KCNN2: variants seen among roughly 807,000 people sequenced by gnomAD.
The protein encoded by KCNN2 is potassium calcium-activated channel subfamily N member 2, also known as small conductance calcium-activated potassium channel protein 2.
In KCNN2, 24 loss-of-function variants were observed where a neutral mutation model predicts 55.5. The observed-to-expected ratio is 0.43, with a 90% CI of 0.31 to 0.61. The LOEUF (loss-of-function observed/expected upper bound fraction) is 0.61. Ranked by LOEUF, KCNN2 falls within the 20% of genes least tolerant of loss-of-function variation. The pLI is 0.08. For synonymous variants in KCNN2, 431 were observed against 336.1 expected (o/e 1.28, Z -3.09); for missense variants, 754 against 853.6 (o/e 0.88, Z 1.45).
At chr5:114,264,402 A>T (rs376369491) in intron 2 of KCNN2, among the ~76,000 whole-genome samples, 2 of 152,320 alleles carry the variant, frequency 1.3e-5, no homozygotes, top group East Asian at 3.9e-4. Context: ...GAAATCAACT[A>T]GTCTCTTTAT....
intron 1 of KCNN2, among the ~76,000 whole-genome samples, chr5:114,147,625 T>C (rs1035453868): frequency 1.4e-4 from 22 of 152,322 alleles, no homozygotes; most frequent in Non-Finnish European, 2.5e-4. Context: ...AGACAACTCT[T>C]TTTCTGCTGG....
chr5:114,290,071 CTCT>C (rs1002066270), intron 2 of KCNN2, among the ~76,000 whole-genome samples: 95 of 152,228 alleles, frequency 6.2e-4, no homozygotes, highest in African/African-American at 2.0e-3. Context: ...CTGTAGTCTT[CTCT>C]TCTTGTGGTG....
At chr5:114,109,259 A>G (rs1029776454) in intron 1 of KCNN2, among the ~76,000 whole-genome samples, 1 of 152,076 alleles carries the variant, frequency 6.6e-6, no homozygotes, top group Non-Finnish European at 1.5e-5. Context: ...AGCTTTCTCT[A>G]TAGGGCAGCT....
At position 114,400,193 on chromosome 5, in the gene KCNN2, T is replaced by C. The variant is rs78927150; in HGVS notation, c.1219-4245T>C. Among the ~76,000 whole-genome samples, 983 of 152,284 alleles carry C rather than the reference T, an allele frequency of 6.5e-3. 10 individuals are homozygous for C. Among genetic ancestry groups the C allele is most frequent in the African/African-American group, 0.022 (933 of 41,568 alleles). On this transcript the variant is annotated intron_variant, in intron 2 of 7. Coordinates refer to ENST00000673685, the MANE Select transcript of KCNN2 (RefSeq NM_021614.4). ...TTTGCTCTTGTTTCTGTAGTTTCCC[T>C]AGGTTGATGTTAGGTTTTAAATTTG...
intron 1 of KCNN2, among the ~76,000 whole-genome samples, chr5:114,161,944 C>G (rs1007843341): frequency 2.0e-5 from 3 of 152,170 alleles, no homozygotes. Context: ...GCCATTGGTT[C>G]AAGCTTCCTC....
At chr5:114,404,949 C>G (rs1758886125) in intron 3 of KCNN2, 93 bp downstream of exon 3, 9 of 1,122,050 alleles carry the variant, frequency 8.0e-6, no homozygotes, top group South Asian at 3.3e-5. Flanking sequence ...CGTGTAGTGT[C>G]TCACTCTTAA....
chr5:114,374,720 C>T (rs957931325), intron 2 of KCNN2, among the ~76,000 whole-genome samples: 2 of 152,084 alleles, frequency 1.3e-5, no homozygotes, highest in African/African-American at 2.4e-5. Flanking sequence ...TTGGACTTTG[C>T]TTTTCGAATT....
intron 1 of KCNN2, among the ~76,000 whole-genome samples, chr5:114,127,076 C>T (rs760036363): frequency 4.6e-5 from 7 of 152,276 alleles, no homozygotes; most frequent in Admixed American, 2.6e-4. Context: ...GCCTCCCTTC[C>T]GGTTGCTTTC....
chr5:114,058,585 G>C (rs376503285), intron 1 of KCNN2, among the ~76,000 whole-genome samples: 1 of 152,190 alleles, frequency 6.6e-6, no homozygotes, highest in East Asian at 1.9e-4. Context: ...GTGGAAACAG[G>C]AAAGAAAGGA....
chr5:114,156,844 T>C (rs559120960), intron 1 of KCNN2, among the ~76,000 whole-genome samples: 11 of 152,130 alleles, frequency 7.2e-5, no homozygotes, highest in African/African-American at 2.7e-4. Context: ...ATGCAGTCCA[T>C]GTTAGTTCCT....
chr5:114,264,469 A>T (rs1755169237), intron 2 of KCNN2, among the ~76,000 whole-genome samples: 1 of 152,196 alleles, frequency 6.6e-6, no homozygotes, highest in South Asian at 2.1e-4. Context: ...TTGTCATAAA[A>T]CTACAAAGTA....
At chr5:114,472,957 G>C in intron 4 of KCNN2, 97 bp from the exon 5 acceptor site, 1 of 642,826 alleles carries the variant, frequency 1.6e-6, no homozygotes. Context: ...TTTTAATCCT[G>C]AGAAACTTTT....
At chr5:114,333,076 G>C (rs1756854339) in intron 2 of KCNN2, among the ~76,000 whole-genome samples, 2 of 152,168 alleles carry the variant, frequency 1.3e-5, no homozygotes, top group African/African-American at 2.4e-5. Flanking sequence ...GCAACATACA[G>C]TGATTCACAC....
intron 1 of KCNN2, among the ~76,000 whole-genome samples, chr5:114,204,243 A>G (rs1753727030): frequency 6.6e-6 from 1 of 152,198 alleles, no homozygotes; most frequent in African/African-American, 2.4e-5. Context: ...AGGTTTTAAA[A>G]TTGCACTGTT....
rs536849367 is a variant in KCNN2 at position 114,373,640 on chromosome 5, T to TTTTATATATATATA, written c.1218+9640_1218+9641insTTATATATATATAT. On this transcript the variant is annotated intron_variant, in intron 2 of 7. Transcript: ENST00000673685. ...CTCTCATGGTGTTGTTATGAAGATT[T>TTTTATATATATATA]TATATATATATATATATAAAATTAC... Among the ~76,000 whole-genome samples, 14 of 56,706 alleles carry TTTTATATATATATA rather than the reference T, an allele frequency of 2.5e-4. 2 individuals carry two copies. Among genetic ancestry groups the TTTTATATATATATA allele is most frequent in the African/African-American group, 7.4e-4 (14 of 18,988 alleles). 37.2% of individuals were successfully genotyped at this position (56,706 alleles called of 152,430 possible).
At chr5:114,186,149 A>C (rs1753327134) in intron 1 of KCNN2, among the ~76,000 whole-genome samples, 1 of 152,166 alleles carries the variant, frequency 6.6e-6, no homozygotes, top group Admixed American at 6.5e-5. Context: ...GTTATTTCTC[A>C]GTGGAAAATT....
intron 2 of KCNN2, among the ~76,000 whole-genome samples, chr5:114,291,133 A>G (rs1473871097): frequency 6.6e-6 from 1 of 152,060 alleles, no homozygotes; most frequent in African/African-American, 2.4e-5. Flanking sequence ...TATATGAAAT[A>G]TAGTTATTAA....
rs568637516 is a variant in KCNN2 at position 114,387,780 on chromosome 5, ACT to A, written c.1219-16653_1219-16652del. Reference sequence around the variant, plus strand: ...GCTCTGAGGGAGACTCAGAGACTAGACTCTCTGACATTTCAGAGATGTTCATT... The same window carrying A: ...GCTCTGAGGGAGACTCAGAGACTAGACTCTGACATTTCAGAGATGTTCATT... On this transcript the variant is annotated intron_variant, in intron 2 of 7. Coordinates refer to ENST00000673685, the MANE Select transcript of KCNN2 (RefSeq NM_021614.4). 3.7e-4 allele frequency among the ~76,000 whole-genome samples: 57 copies of A among 152,218 alleles called. 1 individual carries two copies. In the South Asian group the frequency reaches 6.6e-3, roughly 18 times the overall value.
intron 1 of KCNN2, 110 bp downstream of exon 1, chr5:114,363,371 A>G (rs1271283767): frequency 1.5e-6 from 2 of 1,332,674 alleles, no homozygotes; most frequent in Non-Finnish European, 2.0e-6. Context: ...CGGGACGATC[A>G]AGGGAGCCCG....
Sources: gnomAD v4.1 joint callset for allele counts (sites outside exome capture counted in the v4.1 genomes callset) on GRCh38, gnomAD v4.1.1 for gene constraint, MANE v1.5 for transcripts, NCBI Gene and HGNC (gene_info 2026-07-23, HGNC 2026-07-21) for gene names.